OR51B5: variants seen among roughly 807,000 people sequenced by gnomAD.
The protein encoded by OR51B5 is olfactory receptor 51B5.
For synonymous variants in OR51B5, 186 were observed against 144.8 expected (o/e 1.28, Z -2.04); for missense variants, 456 against 374.6 (o/e 1.22, Z -1.79).
chr11:5,440,823 A>T (rs1484298638), intron 1 of OR51B5: 1 of 1,613,878 alleles, frequency 6.2e-7, no homozygotes, highest in Admixed American at 1.7e-5. Context: ...TTCCTGGGAT[A>T]TGATGACCAG....
At chr11:5,360,136 G>A (rs28778727) in intron 1 of OR51B5, among the ~76,000 whole-genome samples, 1 of 150,132 alleles carries the variant, frequency 6.7e-6, no homozygotes, top group African/African-American at 2.4e-5. Context: ...AAGCCAAAAT[G>A]GACAAATGGG....
intron 1 of OR51B5, among the ~76,000 whole-genome samples, chr11:5,432,993 T>C (rs186743280): frequency 1.2e-3 from 177 of 152,230 alleles, no homozygotes; most frequent in Middle Eastern, 6.8e-3. Context: ...GGAAAAATGT[T>C]TTGAATGAAA....
intron 1 of OR51B5, among the ~76,000 whole-genome samples, chr11:5,374,667 C>T (rs1003192436): frequency 2.6e-5 from 4 of 152,018 alleles, no homozygotes; most frequent in African/African-American, 7.3e-5. Context: ...AGCCAAGGCT[C>T]GAGAATGACG....
At chr11:5,413,362 T>C (rs1850181888) in intron 1 of OR51B5, among the ~76,000 whole-genome samples, 1 of 151,880 alleles carries the variant, frequency 6.6e-6, no homozygotes, top group South Asian at 2.1e-4. Flanking sequence ...AACTGGAAAC[T>C]CTAAAAAGCA....
intron 1 of OR51B5, among the ~76,000 whole-genome samples, chr11:5,428,215 C>G (rs943904172): frequency 6.6e-5 from 10 of 151,836 alleles, no homozygotes; most frequent in African/African-American, 2.4e-4. Flanking sequence ...AAGATATAGG[C>G]GTACCTTGGA....
At chr11:5,487,812 G>T (rs1425705866) in intron 1 of OR51B5, among the ~76,000 whole-genome samples, 1 of 152,108 alleles carries the variant, frequency 6.6e-6, no homozygotes, top group African/African-American at 2.4e-5. Context: ...GCTTTGTCAT[G>T]GTTGAGTGCA....
intron 1 of OR51B5, among the ~76,000 whole-genome samples, chr11:5,377,513 G>A (rs1267647526): frequency 6.6e-6 from 1 of 152,112 alleles, no homozygotes. Flanking sequence ...AAAAGAGGAA[G>A]TCAAATTGTC....
chr11:5,425,839 CAAATA>C (rs1390469618), intron 1 of OR51B5, among the ~76,000 whole-genome samples: 1 of 152,018 alleles, frequency 6.6e-6, no homozygotes, highest in African/African-American at 2.4e-5. Context: ...TCCATTAGTT[CAAATA>C]GAAGCTAGCC....
intron 1 of OR51B5, among the ~76,000 whole-genome samples, chr11:5,364,345 G>C (rs536136090): frequency 6.6e-6 from 1 of 152,258 alleles, no homozygotes; most frequent in East Asian, 1.9e-4. Flanking sequence ...ATGGAGGCAA[G>C]CCAAATGCAG....
At chr11:5,438,652 G>A (rs1850626026) in intron 1 of OR51B5, among the ~76,000 whole-genome samples, 1 of 152,098 alleles carries the variant, frequency 6.6e-6, no homozygotes, top group Admixed American at 6.6e-5. Context: ...GAGGGCATAA[G>A]TCAAGAAAAA....
intron 1 of OR51B5, among the ~76,000 whole-genome samples, chr11:5,407,140 G>C (rs1429494228): frequency 6.6e-6 from 1 of 152,066 alleles, no homozygotes; most frequent in African/African-American, 2.4e-5. Context: ...TGACAGTACT[G>C]TGGGGCATAT....
At chr11:5,368,777 A>C (rs1849411187) in intron 1 of OR51B5, among the ~76,000 whole-genome samples, 1 of 152,208 alleles carries the variant, frequency 6.6e-6, no homozygotes, top group Admixed American at 6.5e-5. Flanking sequence ...AAACCTCAGC[A>C]TAGGCCTTCT....
intron 1 of OR51B5, among the ~76,000 whole-genome samples, chr11:5,444,282 A>C (rs1018588900): frequency 9.2e-5 from 14 of 152,174 alleles, no homozygotes; most frequent in African/African-American, 3.1e-4. Context: ...CCAGCTGTAC[A>C]CACAAAAGTC....
At chr11:5,374,668 G>A (rs1055741143) in intron 1 of OR51B5, among the ~76,000 whole-genome samples, 22 of 152,322 alleles carry the variant, frequency 1.4e-4, no homozygotes, top group South Asian at 8.3e-4. Context: ...GCCAAGGCTC[G>A]AGAATGACGT....
chr11:5,423,274 C>G (rs1850386171), intron 1 of OR51B5: 1 of 1,332,366 alleles, frequency 7.5e-7, no homozygotes, highest in East Asian at 2.5e-5. Context: ...TATGACAAGT[C>G]CCTGGCTTTT....
chr11:5,348,668 C>T (rs549237893), intron 1 of OR51B5, among the ~76,000 whole-genome samples: 2 of 152,192 alleles, frequency 1.3e-5, no homozygotes, highest in Admixed American at 6.5e-5. Flanking sequence ...TCTTCTTTTG[C>T]CTGCTTTCTT....
chr11:5,453,496 T>A, intron 1 of OR51B5: 1 of 1,543,454 alleles, frequency 6.5e-7, no homozygotes, highest in Non-Finnish European at 8.7e-7. Context: ...GCTATGGGGT[T>A]GTTCAATGTC....
At chr11:5,355,771 A>C (rs1037934964) in intron 1 of OR51B5, among the ~76,000 whole-genome samples, 2 of 152,136 alleles carry the variant, frequency 1.3e-5, no homozygotes, top group African/African-American at 2.4e-5. Context: ...TTAAAAAAAA[A>C]AAAAAGAGTA....
intron 1 of OR51B5, among the ~76,000 whole-genome samples, chr11:5,436,763 A>G (rs1850601376): frequency 6.6e-6 from 1 of 152,198 alleles, no homozygotes; most frequent in South Asian, 2.1e-4. Flanking sequence ...TGAGAGAAAC[A>G]TACAGAAGCA....
Sources: allele counts gnomAD v4.1 joint callset (sites outside exome capture counted in the v4.1 genomes callset), GRCh38; gene constraint gnomAD v4.1.1; transcripts MANE v1.5; gene names NCBI Gene and HGNC (gene_info 2026-07-23, HGNC 2026-07-21).